The following BAALC variants were observed in gnomAD, a reference collection of about 807,000 sequenced individuals.
BAALC encodes the protein BAALC binder of MAP3K1 and KLF4.
A neutral mutation model predicts 15.5 loss-of-function variants in BAALC; 9 were observed. That is an observed-to-expected ratio of 0.58 (90% CI 0.35 to 1.02). BAALC has a LOEUF of 1.02. Ranked by LOEUF, BAALC falls within the 50% of genes least tolerant of loss-of-function variation. The probability of loss-of-function intolerance (pLI) is 0.02; values close to 1 mark genes in which losing one functional copy is unlikely to be tolerated. For synonymous variants in BAALC, 80 were observed against 74.6 expected (o/e 1.07, Z -0.37); for missense variants, 201 against 192.4 (o/e 1.04, Z -0.27).
chr8:103,142,347 ACACTATATTT>A (rs1243952446), intron 1 of BAALC, among the ~76,000 whole-genome samples: 2 of 152,234 alleles, frequency 1.3e-5, no homozygotes. Flanking sequence ...ACAATACATT[ACACTATATTT>A]GTCTCCAGTT....
intron 1 of BAALC, among the ~76,000 whole-genome samples, chr8:103,147,869 G>A (rs1810910332): frequency 6.6e-6 from 1 of 152,148 alleles, no homozygotes; most frequent in African/African-American, 2.4e-5. Context: ...GAGCAGACTC[G>A]AGGGGTTTAC....
intron 2 of BAALC, among the ~76,000 whole-genome samples, chr8:103,216,644 T>C (rs1368013724): frequency 2.6e-5 from 4 of 152,078 alleles, no homozygotes; most frequent in Non-Finnish European, 5.9e-5. Flanking sequence ...CCCAGCCAAT[T>C]TGTTAATTAT....
chr8:103,228,154 G>A lies in BAALC; in HGVS notation c.*55G>A, dbSNP rs1812847354. ...CTTCTTCAGTGTCCTTCACGGCACT[G>A]GATCCCATCAAAGAACCTTGAAGAA... is the stretch of plus-strand genomic sequence containing the variant. On this transcript the variant is annotated 3_prime_UTR_variant, in exon 3 of 3. Coordinates refer to ENST00000309982, the MANE Select transcript of BAALC (RefSeq NM_024812.3). 1.6e-6 allele frequency: 2 copies of A among 1,236,198 alleles called. No homozygotes were observed. Among genetic ancestry groups the A allele is most frequent in the Non-Finnish European group, 2.4e-6 (2 of 847,796 alleles). The allele number at this position is 1,236,198 out of a possible 1,614,324, so 76.6% of individuals were successfully genotyped here.
At chr8:103,157,084 A>C (rs180974173) in intron 1 of BAALC, 1 of 152,134 alleles carries the variant, frequency 6.6e-6, no homozygotes, top group Admixed American at 6.6e-5. Flanking sequence ...TATGATATAC[A>C]AAAAAGTTAT....
intron 1 of BAALC, among the ~76,000 whole-genome samples, chr8:103,142,093 A>G (rs1352290213): frequency 1.3e-5 from 2 of 152,258 alleles, no homozygotes; most frequent in Non-Finnish European, 2.9e-5. Flanking sequence ...GGCATTTTTG[A>G]ATAATGAAAT....
chr8:103,145,997 A>G (rs1810870608), intron 1 of BAALC, among the ~76,000 whole-genome samples: 1 of 152,240 alleles, frequency 6.6e-6, no homozygotes, highest in Non-Finnish European at 1.5e-5. Flanking sequence ...CTGTGTTGAC[A>G]GAATAAGATA....
At chr8:103,163,080 C>T (rs1362934703) in intron 1 of BAALC, among the ~76,000 whole-genome samples, 2 of 152,234 alleles carry the variant, frequency 1.3e-5, no homozygotes, top group Middle Eastern at 3.4e-3. Flanking sequence ...CTGCAGCTTT[C>T]AGCACCACTG....
chr8:103,191,943 A>G (rs1811977148), intron 1 of BAALC, among the ~76,000 whole-genome samples: 1 of 152,196 alleles, frequency 6.6e-6, no homozygotes. Flanking sequence ...AAATCAGCCC[A>G]CTTGGAGTTT....
Position 103,228,849 on chromosome 8 carries a change from A to G in BAALC, c.*750A>G, listed in dbSNP as rs1812861751. The G allele has an allele frequency of 6.6e-6, 1 of 152,236 alleles. No individual in the cohort carries two copies. Among genetic ancestry groups the G allele is most frequent in the Non-Finnish European group, 1.5e-5 (1 of 68,060 alleles). 9.4% of individuals were successfully genotyped at this position (152,236 alleles called of 1,614,324 possible). On this transcript the variant is annotated 3_prime_UTR_variant, in exon 3 of 3. Transcript: ENST00000309982. ...TTGTGGCCAATGCATCCAAATAAGG[A>G]TACCCCTCAGGGCTCAGCTAGACAT...
At chr8:103,141,628 T>C in intron 1 of BAALC, among the ~76,000 whole-genome samples, 1 of 152,218 alleles carries the variant, frequency 6.6e-6, no homozygotes, top group East Asian at 1.9e-4. Flanking sequence ...AATCCCAGTT[T>C]AGGTCAAAAT....
intron 1 of BAALC, among the ~76,000 whole-genome samples, chr8:103,163,812 A>C (rs961712287): frequency 1.3e-5 from 2 of 152,034 alleles, no homozygotes; most frequent in Non-Finnish European, 2.9e-5. Flanking sequence ...AGCTCAGTTG[A>C]ATTTTGTGTA....
At chr8:103,164,859 G>A (rs1327561256) in intron 1 of BAALC, among the ~76,000 whole-genome samples, 1 of 152,158 alleles carries the variant, frequency 6.6e-6, no homozygotes, top group Non-Finnish European at 1.5e-5. Context: ...TTGTGCACAT[G>A]TGCACAGGTC....
intron 1 of BAALC, among the ~76,000 whole-genome samples, chr8:103,144,011 G>A (rs953644871): frequency 2.0e-5 from 3 of 152,104 alleles, no homozygotes; most frequent in Admixed American, 6.5e-5. Context: ...CCAACCCAAC[G>A]ATTCCATTTC....
chr8:103,151,420 C>A (rs1489840884), intron 1 of BAALC, among the ~76,000 whole-genome samples: 1 of 152,120 alleles, frequency 6.6e-6, no homozygotes, highest in African/African-American at 2.4e-5. Context: ...TGGGACTTAT[C>A]GAAGAATTAA....
intron 1 of BAALC, among the ~76,000 whole-genome samples, chr8:103,167,649 T>C (rs1022408985): frequency 6.6e-6 from 1 of 152,164 alleles, no homozygotes; most frequent in African/African-American, 2.4e-5. Flanking sequence ...TGCAAAGGCC[T>C]TGAGGCAGGA....
intron 2 of BAALC, among the ~76,000 whole-genome samples, chr8:103,218,354 C>T (rs868373695): frequency 6.0e-5 from 9 of 148,948 alleles, no homozygotes; most frequent in African/African-American, 2.2e-4. Flanking sequence ...TCATTTGGGG[C>T]CTTACTGACT....
intron 1 of BAALC, among the ~76,000 whole-genome samples, chr8:103,167,726 G>A (rs982492682): frequency 2.0e-5 from 3 of 152,198 alleles, no homozygotes; most frequent in African/African-American, 7.2e-5. Flanking sequence ...AGCCATGAGT[G>A]AGGGGAGGCA....
chr8:103,209,313 AGTGAGTTGAGATCAT>A, intron 1 of BAALC, among the ~76,000 whole-genome samples: 1 of 152,102 alleles, frequency 6.6e-6, no homozygotes, highest in East Asian at 1.9e-4. Flanking sequence ...CAGAGGCTGC[AGTGAGTTGAGATCAT>A]GCCACTGCAC....
intron 1 of BAALC, among the ~76,000 whole-genome samples, chr8:103,201,420 A>G (rs1243011634): frequency 2.6e-5 from 4 of 152,038 alleles, no homozygotes; most frequent in African/African-American, 7.2e-5. Flanking sequence ...CAATTCCCTG[A>G]AGAGACCATT....
Sources: allele counts gnomAD v4.1 joint callset (sites outside exome capture counted in the v4.1 genomes callset), GRCh38; gene constraint gnomAD v4.1.1; transcripts MANE v1.5; gene names NCBI Gene and HGNC (gene_info 2026-07-23, HGNC 2026-07-21).